DOCK1: variants seen among roughly 807,000 people sequenced by gnomAD.
The protein encoded by DOCK1 is dedicator of cytokinesis protein 1.
DOCK1 carries 138 observed loss-of-function variants against 262.7 expected under a neutral mutation model. The ratio of observed to expected loss-of-function variants is 0.53; its 90% confidence interval spans 0.46 to 0.61. The LOEUF is 0.61. DOCK1 is among the 20% of genes least tolerant of loss of function. The pLI, the probability that DOCK1 is intolerant of heterozygous loss-of-function variation, is 0.00. For synonymous variants in DOCK1, 866 were observed against 867.4 expected (o/e 1.00, Z 0.03); for missense variants, 1,908 against 2,370.7 (o/e 0.80, Z 4.05).
In DOCK1 at chr10:127,451,323, G is replaced by GT. The variant is rs778596637; in HGVS notation, c.5566-3dup. 3.8e-6 allele frequency: 6 copies of GT among 1,584,990 alleles called. No individual in the cohort carries two copies. The highest frequency in any genetic ancestry group is 3.6e-5 in the Admixed American group (2 of 55,952). On this transcript the variant is annotated splice_polypyrimidine_tract_variant and intron_variant, in intron 51 of 51. Transcript: ENST00000623213. ...TATGTGACATCTTCCCCATCCTCAT[G>GT]TTTTTTAGCATCTGCCACCTCCACT...
chr10:127,271,256 G>A (rs781291771), intron 29 of DOCK1, among the ~76,000 whole-genome samples: 6 of 152,120 alleles, frequency 3.9e-5, no homozygotes, highest in Admixed American at 1.3e-4. Flanking sequence ...CAGCATGCTT[G>A]CTATGTGGAA....
intron 23 of DOCK1, among the ~76,000 whole-genome samples, chr10:127,099,433 TG>T (rs1365633689): frequency 6.6e-6 from 1 of 152,110 alleles, no homozygotes; most frequent in Non-Finnish European, 1.5e-5. Flanking sequence ...TACCCAAGCC[TG>T]GGTAACTTAT....
At chr10:127,323,475 A>C (rs182609752) in intron 29 of DOCK1, among the ~76,000 whole-genome samples, 2 of 152,172 alleles carry the variant, frequency 1.3e-5, no homozygotes, top group African/African-American at 2.4e-5. Flanking sequence ...TCTCTGATGT[A>C]TCTTCTAAAA....
chr10:127,097,255 A>T (rs2047965169), intron 23 of DOCK1, among the ~76,000 whole-genome samples: 2 of 152,012 alleles, frequency 1.3e-5, no homozygotes, highest in Non-Finnish European at 2.9e-5. Context: ...TTCAGTTTTG[A>T]CCTCAGTTTC....
At chr10:126,948,203 C>A (rs2035733002) in intron 1 of DOCK1, among the ~76,000 whole-genome samples, 2 of 91,796 alleles carry the variant, frequency 2.2e-5, no homozygotes, top group East Asian at 3.7e-4. Flanking sequence ...GGTAGTATTA[C>A]TGTTGGTGGT....
intron 23 of DOCK1, among the ~76,000 whole-genome samples, chr10:127,097,761 A>G: frequency 6.6e-6 from 1 of 152,254 alleles, no homozygotes. Flanking sequence ...TTAAATAGCA[A>G]ACATTTATTT....
chr10:127,098,203 A>G (rs2048020550), intron 23 of DOCK1, among the ~76,000 whole-genome samples: 1 of 152,216 alleles, frequency 6.6e-6, no homozygotes, highest in Non-Finnish European at 1.5e-5. Flanking sequence ...ATCTTCACTG[A>G]TTTACAAAAA....
At chr10:127,057,461 AACTT>A (rs1189216427) in intron 22 of DOCK1, among the ~76,000 whole-genome samples, 1 of 152,252 alleles carries the variant, frequency 6.6e-6, no homozygotes, top group African/African-American at 2.4e-5. Context: ...TTATGTTGTT[AACTT>A]ACTATCTTTC....
chr10:127,018,770 C>T lies in DOCK1; in HGVS notation c.1262C>T (p.Pro421Leu), dbSNP rs368944664. The T allele has an allele frequency of 7.4e-6, 12 of 1,613,774 alleles. No individual in the cohort carries two copies. The highest frequency in any genetic ancestry group is 2.2e-5 in the East Asian group (1 of 44,882). Residue 421 changes from proline to leucine, a missense_variant, in exon 13 of 52, where the codon CCG becomes CTG. Physicochemically the swap from Pro to Leu is moderately conservative, Grantham distance 98. Transcript: ENST00000623213. ...GDIHQIRKEF[P>L]HLVDRTTAVA... Reference sequence around the variant, plus strand: ...ATCCATCAGATCCGAAAAGAGTTTCCGCATTTAGTGGACAGGACCACAGCT... The same window carrying T: ...ATCCATCAGATCCGAAAAGAGTTTCTGCATTTAGTGGACAGGACCACAGCT...
intron 29 of DOCK1, among the ~76,000 whole-genome samples, chr10:127,288,505 G>A (rs573655762): frequency 1.3e-5 from 2 of 151,830 alleles, no homozygotes; most frequent in East Asian, 1.9e-4. Flanking sequence ...CCCTGCACCA[G>A]GATGTAAAGT....
chr10:127,414,875 C>G (rs1565073889), intron 43 of DOCK1, among the ~76,000 whole-genome samples: 1 of 152,210 alleles, frequency 6.6e-6, no homozygotes, highest in Admixed American at 6.5e-5. Context: ...ATCTTTCTCA[C>G]TCACCTAGTA....
chr10:127,207,909 A>G (rs1388743858), intron 27 of DOCK1, among the ~76,000 whole-genome samples: 2 of 152,206 alleles, frequency 1.3e-5, no homozygotes, highest in East Asian at 3.9e-4. Context: ...TTTTGATACC[A>G]TATGTAGACC....
At chr10:126,945,426 G>A (rs925485364) in intron 1 of DOCK1, among the ~76,000 whole-genome samples, 1 of 151,878 alleles carries the variant, frequency 6.6e-6, no homozygotes, top group Non-Finnish European at 1.5e-5. Context: ...GCAGCGGAGA[G>A]GGGGAGAGGG....
chr10:127,281,376 A>G (rs543111477), intron 29 of DOCK1, among the ~76,000 whole-genome samples: 7 of 152,334 alleles, frequency 4.6e-5, no homozygotes, highest in South Asian at 4.1e-4. Flanking sequence ...GGACACAGCA[A>G]TGACACAGGA....
chr10:127,251,063 A>G (rs568289867), intron 28 of DOCK1, among the ~76,000 whole-genome samples: 24 of 152,040 alleles, frequency 1.6e-4, no homozygotes, highest in Admixed American at 9.2e-4. Flanking sequence ...CCAGGGTTCA[A>G]GCGATTCTCC....
intron 16 of DOCK1, 182 bp downstream of exon 16, chr10:127,026,606 A>T: frequency 1.6e-6 from 1 of 637,678 alleles, no homozygotes; most frequent in Non-Finnish European, 2.7e-6. Flanking sequence ...TCAGGAGGAG[A>T]TCTTAATTTC....
intron 49 of DOCK1, among the ~76,000 whole-genome samples, 172 bp downstream of exon 49, chr10:127,439,397 C>T (rs1439749230): frequency 6.6e-6 from 1 of 152,186 alleles, no homozygotes; most frequent in East Asian, 1.9e-4. Flanking sequence ...GGCAGTAGGA[C>T]AGCCAGAGCC....
intron 27 of DOCK1, among the ~76,000 whole-genome samples, chr10:127,210,156 T>G (rs889398723): frequency 6.6e-6 from 1 of 152,218 alleles, no homozygotes; most frequent in African/African-American, 2.4e-5. Context: ...AGAATGAGAT[T>G]TTTTATGAAG....
At chr10:127,242,046 TCAC>T (rs1487574576) in intron 27 of DOCK1, among the ~76,000 whole-genome samples, 1 of 152,212 alleles carries the variant, frequency 6.6e-6, no homozygotes, top group Non-Finnish European at 1.5e-5. Flanking sequence ...CTGTTAAATG[TCAC>T]CACGTTCTTG....
Sources: allele counts gnomAD v4.1 joint callset (sites outside exome capture counted in the v4.1 genomes callset), GRCh38; gene constraint gnomAD v4.1.1; transcripts MANE v1.5; gene names NCBI Gene and HGNC (gene_info 2026-07-23, HGNC 2026-07-21).